The following PSD variants were observed in gnomAD, a reference collection of about 807,000 sequenced individuals.
PSD encodes pleckstrin and Sec7 domain containing.
A neutral mutation model predicts 91.6 loss-of-function variants in PSD; 32 were observed. The observed-to-expected ratio is 0.35, with a 90% CI of 0.26 to 0.47. PSD has a LOEUF of 0.47. Ranked by LOEUF, PSD falls within the 20% of genes least tolerant of loss-of-function variation. PSD has a pLI of 1.00. For synonymous variants in PSD, 532 were observed against 569.3 expected (o/e 0.93, Z 0.93); for missense variants, 1,099 against 1,373.9 (o/e 0.80, Z 3.16).
chr10:102,414,295 C>A lies in PSD; in HGVS notation c.1125-98G>T. 1 of 1,181,376 alleles carries A rather than the reference C, an allele frequency of 8.5e-7. No homozygotes were observed. Among genetic ancestry groups the A allele is most frequent in the Non-Finnish European group, 1.2e-6 (1 of 835,912 alleles). The allele number at this position is 1,181,376 out of a possible 1,614,324, so 73.2% of individuals were successfully genotyped here. On this transcript the variant is annotated intron_variant, in intron 4 of 16. Transcript: ENST00000020673. This position sits in a 1 kb window ranked among gnomAD's most constrained non-coding sequence, Gnocchi z 5.6. ...ACACTGACTCTGCTAAGGGGATTAT[C>A]ATCCCCTTTTCACTGGCTCCAGCCC...
At chr10:102,415,801 C>T (rs2061472418) in intron 3 of PSD, among the ~76,000 whole-genome samples, 2 of 152,238 alleles carry the variant, frequency 1.3e-5, no homozygotes, top group African/African-American at 2.4e-5. Context: ...TGTCCCCTCC[C>T]TCCATTACTC....
chr10:102,405,107 C>T lies in PSD; in HGVS notation c.2398-52G>A. The T allele has an allele frequency of 6.2e-7, 1 of 1,611,082 alleles. No individual in the cohort carries two copies. The highest frequency in any genetic ancestry group is 8.5e-7 in the Non-Finnish European group (1 of 1,178,802). On this transcript the variant is annotated intron_variant, in intron 13 of 16. Transcript: ENST00000020673. This position sits in a 1 kb window ranked among gnomAD's most constrained non-coding sequence, Gnocchi z 5.4. ...CCCCAAATGCAGCCTGGCCCAGCCC[C>T]TCCTATTCCCACCCATCACCCCACA...
chr10:102,414,345 T>C lies in PSD; in HGVS notation c.1125-148A>G, dbSNP rs1589891818. The stretch of plus-strand genomic sequence containing the variant: ...CACTAACAAAAAAGAGCCTCTAGGG[T>C]AGGGCGCCAAGCTATTCAGTGCCCC... On this transcript the variant is annotated intron_variant, in intron 4 of 16. Transcript: ENST00000020673. This position sits in a 1 kb window ranked among gnomAD's most constrained non-coding sequence, Gnocchi z 5.6. 7.4e-6 allele frequency: 6 copies of C among 814,694 alleles called. No homozygotes were observed. Among genetic ancestry groups the C allele is most frequent in the East Asian group, 5.4e-5 (2 of 36,936 alleles). The allele number at this position is 814,694 out of a possible 1,614,324, so 50.5% of individuals were successfully genotyped here.
Position 102,416,039 on chromosome 10 carries a change from G to A in PSD, c.735C>T (p.Gly245=). The A allele has an allele frequency of 6.2e-7, 1 of 1,613,580 alleles. No homozygotes were observed. Among genetic ancestry groups the A allele is most frequent in the South Asian group, 1.1e-5 (1 of 90,912 alleles). Residue 245 remains glycine, a synonymous_variant, in exon 3 of 17, where the codon GGC becomes GGT. Coordinates refer to ENST00000020673, the MANE Select transcript of PSD (RefSeq NM_002779.5). The surrounding 1 kb of genome is among the most constrained non-coding windows in gnomAD (Gnocchi z 6.0). ...IARAKWEFFY[G]SLDPPSSGAK... Reference sequence around the variant, plus strand: ...TACCTGAGCTGGGGGGGTCCAAGGAGCCATAGAAGAATTCCCATTTGGCTC... The same window carrying A: ...TACCTGAGCTGGGGGGGTCCAAGGAACCATAGAAGAATTCCCATTTGGCTC...
Position 102,413,752 on chromosome 10 carries a change from C to T in PSD, c.1553+17G>A, listed in dbSNP as rs777676632. On this transcript the variant is annotated intron_variant, in intron 5 of 16. Coordinates refer to ENST00000020673, the MANE Select transcript of PSD (RefSeq NM_002779.5). ...CCCTGGGGGCCTCAAGTCTGAGGGA[C>T]AAAAGGAATTACTTACCTGCCAAGG... The T allele has an allele frequency of 3.1e-6, 5 of 1,594,360 alleles. No homozygotes were observed. Among genetic ancestry groups the T allele is most frequent in the African/African-American group, 1.3e-5 (1 of 74,418 alleles).
Position 102,404,730 on chromosome 10 carries a change from G to A in PSD, c.2556-3C>T, listed in dbSNP as rs372747263. On this transcript the variant is annotated splice_polypyrimidine_tract_variant and splice_region_variant and intron_variant, in intron 14 of 16. Coordinates refer to ENST00000020673, the MANE Select transcript of PSD (RefSeq NM_002779.5). The surrounding 1 kb of genome is among the most constrained non-coding windows in gnomAD (Gnocchi z 5.7). ...AGGACTGCATCTGCTCCAGGCTCCT[G>A]GGGAGAAAGCACAGCCCTTTGGGAC... 1 of 1,568,210 alleles carries A rather than the reference G, an allele frequency of 6.4e-7. No individual in the cohort carries two copies. Among genetic ancestry groups the A allele is most frequent in the East Asian group, 2.2e-5 (1 of 44,446 alleles).
chr10:102,402,691 A>T lies in PSD; in HGVS notation c.*509T>A. 3.1e-6 allele frequency: 1 copy of T among 317,980 alleles called. No individual in the cohort carries two copies. The highest frequency in any genetic ancestry group is 5.8e-6 in the Non-Finnish European group (1 of 173,120). The allele number at this position is 317,980 out of a possible 1,614,324, so 19.7% of individuals were successfully genotyped here. A position where few individuals can be genotyped will look rare whatever the true frequency, so the allele number is the denominator to read the frequency against. ...AGGCCCACTGAAGCGGGGGAAAGCC[A>T]GGCCGTGCTGCCCCCGGCCCAGGTA... is the stretch of plus-strand genomic sequence containing the variant. On this transcript the variant is annotated 3_prime_UTR_variant, in exon 17 of 17. Transcript: ENST00000020673.
In PSD at chr10:102,403,470, G is replaced by C. The variant is rs746249890; in HGVS notation, c.2845-40C>G. ...CAGGGGCTGTGAGAGCCTCTTCTCT[G>C]CCTTCTGCCCACCCCACCATCTGGA... On this transcript the variant is annotated intron_variant, in intron 16 of 16. Transcript: ENST00000020673. This position sits in a 1 kb window ranked among gnomAD's most constrained non-coding sequence, Gnocchi z 6.7. 6 of 1,542,192 alleles carry C rather than the reference G, an allele frequency of 3.9e-6. No homozygotes were observed. In the South Asian group the frequency reaches 7.2e-5, roughly 18 times the overall value.
At chr10:102,408,734 G>A (rs986708840) in intron 10 of PSD, among the ~76,000 whole-genome samples, 4 of 152,188 alleles carry the variant, frequency 2.6e-5, no homozygotes, top group Admixed American at 1.3e-4. Context: ...CCCAGGGTCT[G>A]TGCCCTCCCT....
intron 5 of PSD, 23 bp from the exon 6 acceptor site, chr10:102,412,598 C>T (rs1225260249): frequency 1.9e-6 from 3 of 1,591,344 alleles, no homozygotes; most frequent in Non-Finnish European, 2.6e-6. Flanking sequence ...AACACCAGCT[C>T]AGGCTGGGGC....
Position 102,410,988 on chromosome 10 carries a change from TG to T in PSD, c.2002-42del. 6.2e-7 allele frequency: 1 copy of T among 1,611,878 alleles called. No homozygotes were observed. Among genetic ancestry groups the T allele is most frequent in the Non-Finnish European group, 8.5e-7 (1 of 1,177,934 alleles). The stretch of plus-strand genomic sequence containing the variant: ...GAGGCCTGTGAGTTTGGAGGGCCCT[TG>T]GCCTCCCAGGTCCTGCATGTCTGGC... On this transcript the variant is annotated intron_variant, in intron 9 of 16. Transcript: ENST00000020673. This position sits in a 1 kb window ranked among gnomAD's most constrained non-coding sequence, Gnocchi z 6.0.
Position 102,416,133 on chromosome 10 carries a change from G to T in PSD, c.655-14C>A. 6.3e-7 allele frequency: 1 copy of T among 1,583,736 alleles called. No individual in the cohort carries two copies. Reference sequence around the variant, plus strand: ...CCAGGTATCCCCCTGAGCCAACGAGGGAGACACAGGCACCCAGAGATAAAG... The same window carrying T: ...CCAGGTATCCCCCTGAGCCAACGAGTGAGACACAGGCACCCAGAGATAAAG... On this transcript the variant is annotated splice_polypyrimidine_tract_variant and intron_variant, in intron 2 of 16. Coordinates refer to ENST00000020673, the MANE Select transcript of PSD (RefSeq NM_002779.5). The surrounding 1 kb of genome is among the most constrained non-coding windows in gnomAD (Gnocchi z 6.0).
chr10:102,404,211 G>A lies in PSD; in HGVS notation c.2701-226C>T, dbSNP rs2061330710. Among the ~76,000 whole-genome samples, 1 of 152,156 alleles carries A rather than the reference G, an allele frequency of 6.6e-6. No homozygotes were observed. The highest frequency in any genetic ancestry group is 6.5e-5 in the Admixed American group (1 of 15,278). ...AAAATATAAAAAATTAGCCAGGCGT[G>A]GTGGCAGGTGCCTGTAGTCCCAGCT... On this transcript the variant is annotated intron_variant, in intron 15 of 16. Coordinates refer to ENST00000020673, the MANE Select transcript of PSD (RefSeq NM_002779.5). This position sits in a 1 kb window ranked among gnomAD's most constrained non-coding sequence, Gnocchi z 5.7.
chr10:102,410,729 C>T lies in PSD; in HGVS notation c.2091+129G>A, dbSNP rs530202551. ...GTCCCCAGGCTGAGTCACGAGAGCC[C>T]GGGCTTCCGTGGCAGGAGCCGGGGG... On this transcript the variant is annotated intron_variant, in intron 10 of 16. Transcript: ENST00000020673. The surrounding 1 kb of genome is among the most constrained non-coding windows in gnomAD (Gnocchi z 6.0). The T allele has an allele frequency of 3.4e-5, 26 of 759,546 alleles. No homozygotes were observed. The African/African-American group carries it at 4.0e-4, about 12-fold the overall frequency. The allele number at this position is 759,546 out of a possible 1,614,324, so 47.1% of individuals were successfully genotyped here.
Position 102,403,205 on chromosome 10 carries a change from G to A in PSD, c.3070C>T (p.Pro1024Ser), listed in dbSNP as rs1178798776. Residue 1024 changes from proline (P) to serine (S), a missense_variant, in exon 17 of 17, where the codon CCC becomes TCC. Around this residue, in one of 3 missense-constraint regions of PSD, gnomAD observed 358 missense variants for 426.5 expected, o/e 0.84. Transcript: ENST00000020673. The surrounding 1 kb of genome is among the most constrained non-coding windows in gnomAD (Gnocchi z 6.7). ...RPGAGSGRRK[P>S] Reference sequence around the variant, plus strand: ...TCCCCACCCTAAACCTCATCTCAGGGCTTCCGCCGCCCACTGCCTGCCCCT... The same window carrying A: ...TCCCCACCCTAAACCTCATCTCAGGACTTCCGCCGCCCACTGCCTGCCCCT... 1 of 1,557,916 alleles carries A rather than the reference G, an allele frequency of 6.4e-7. No homozygotes were observed. Among genetic ancestry groups the A allele is most frequent in the Non-Finnish European group, 8.7e-7 (1 of 1,148,724 alleles).
chr10:102,406,560 T>G (rs1019880659), intron 11 of PSD, among the ~76,000 whole-genome samples: 2 of 150,158 alleles, frequency 1.3e-5, no homozygotes, highest in Non-Finnish European at 3.0e-5. Flanking sequence ...CAGGCTGGAG[T>G]GCAGTGGCGG....
In PSD at chr10:102,414,810, G is replaced by A. The variant is rs992513190; in HGVS notation, c.1124+53C>T. 3.3e-5 allele frequency: 49 copies of A among 1,481,010 alleles called. 1 individual carries two copies. The East Asian group carries it at 5.1e-4, about 15-fold the overall frequency. 91.7% of individuals were successfully genotyped at this position (1,481,010 alleles called of 1,614,324 possible). On this transcript the variant is annotated intron_variant, in intron 4 of 16. Transcript: ENST00000020673. This position sits in a 1 kb window ranked among gnomAD's most constrained non-coding sequence, Gnocchi z 5.6. ...CCCGGCTCTGCCTGTGGGCCAGTGC[G>A]AAGGAGCAAGCCGCTTCCCTCTCCC...
chr10:102,403,287 C>A lies in PSD; in HGVS notation c.2988G>T (p.Leu996=), dbSNP rs751146066. 6.2e-7 allele frequency: 1 copy of A among 1,613,526 alleles called. No individual in the cohort carries two copies. The highest frequency in any genetic ancestry group is 8.5e-7 in the Non-Finnish European group (1 of 1,179,654). ...GGGGCTGGCTGGAGGGTTTGGGCTG[C>A]AGGGAGGGACTGGAGTGAGAAGGAG... ...GLPPSHSSPS[L]QPKPSSQPRA... The change falls in exon 17 of 17, where the codon CTG becomes CTT. Residue 996 remains leucine, a synonymous_variant. Coordinates refer to ENST00000020673, the MANE Select transcript of PSD (RefSeq NM_002779.5). This position sits in a 1 kb window ranked among gnomAD's most constrained non-coding sequence, Gnocchi z 6.7.
chr10:102,417,715 T>C (rs2135462765), intron 1 of PSD, among the ~76,000 whole-genome samples: 1 of 150,920 alleles, frequency 6.6e-6, no homozygotes, highest in African/African-American at 2.4e-5. Flanking sequence ...TTCTTTTTTT[T>C]TTTTTTTTTT....
Sources: gnomAD v4.1 joint callset for allele counts (sites outside exome capture counted in the v4.1 genomes callset) on GRCh38, gnomAD v4.1.1 for gene constraint, gnomAD v4.1.1 regional missense constraint, Gnocchi (gnomAD v3.1) non-coding constraint, MANE v1.5 for transcripts, NCBI Gene and HGNC (gene_info 2026-07-23, HGNC 2026-07-21) for gene names.